Variants in MAP3K2 observed in about 807,000 individuals in gnomAD.
MAP3K2 encodes the protein MAP/ERK kinase kinase 2.
Under a neutral mutation model 80.3 loss-of-function variants are expected in MAP3K2, and 24 were observed. That is an observed-to-expected ratio of 0.30 (90% CI 0.22 to 0.42). The LOEUF (loss-of-function observed/expected upper bound fraction) is 0.42, where lower values mean the gene tolerates loss of function less well. Ranked by LOEUF, MAP3K2 falls within the 10% of genes least tolerant of loss-of-function variation. The pLI, the probability that MAP3K2 is intolerant of heterozygous loss-of-function variation, is 1.00. For missense variants in MAP3K2, 608 were observed against 750.1 expected (o/e 0.81, Z 2.21); for synonymous variants, 244 against 253.7 (o/e 0.96, Z 0.36).
rs897466304 is a variant in MAP3K2, at chr2:127,306,002, G to A, written c.*1577C>T. The A allele has an allele frequency of 4.0e-5, 6 of 151,242 alleles. No individual in the cohort carries two copies. The highest frequency in any genetic ancestry group is 2.1e-4 in the South Asian group (1 of 4,800). The allele number at this position is 151,242 out of a possible 1,614,324, so 9.4% of individuals were successfully genotyped here. A position where few individuals can be genotyped will look rare whatever the true frequency, so the allele number is the denominator to read the frequency against. Reference sequence around the variant, plus strand: ...ATATAGAGATGGCTGAGTTCAAAAGGCTCAGTGTTCAAATTCAGTTTGTTC... The same window carrying A: ...ATATAGAGATGGCTGAGTTCAAAAGACTCAGTGTTCAAATTCAGTTTGTTC... On this transcript the variant is annotated 3_prime_UTR_variant, in exon 17 of 17. Transcript: ENST00000682094. The surrounding 1 kb of genome is among the most constrained non-coding windows in gnomAD (Gnocchi z 4.7).
At position 127,301,328 on chromosome 2, in the gene MAP3K2, T is replaced by G. The variant is rs1238837092; in HGVS notation, c.*6251A>C. 6.6e-6 allele frequency: 1 copy of G among 152,234 alleles called. No individual in the cohort carries two copies. The highest frequency in any genetic ancestry group is 1.5e-5 in the Non-Finnish European group (1 of 68,042). The allele number at this position is 152,234 out of a possible 1,614,324, so 9.4% of individuals were successfully genotyped here. A position where few individuals can be genotyped will look rare whatever the true frequency, so the allele number is the denominator to read the frequency against. ...AATGTCTGTCTATGTGAATCAGTGG[T>G]CAAGTGACATTAACAAGATTGGCAC... is the stretch of plus-strand genomic sequence containing the variant. On this transcript the variant is annotated 3_prime_UTR_variant, in exon 17 of 17. Transcript: ENST00000682094.
intron 1 of MAP3K2, among the ~76,000 whole-genome samples, chr2:127,376,835 A>T (rs1018683748): frequency 3.3e-5 from 5 of 152,074 alleles, no homozygotes; most frequent in Non-Finnish European, 5.9e-5. Context: ...GGAGTCTGAG[A>T]CAGGAGGATC....
chr2:127,307,840 A>G lies in MAP3K2; in HGVS notation c.1635-36T>C, dbSNP rs1239045090. On this transcript the variant is annotated intron_variant, in intron 16 of 16. Transcript: ENST00000682094. This position sits in a 1 kb window ranked among gnomAD's most constrained non-coding sequence, Gnocchi z 5.4. Reference sequence around the variant, plus strand: ...ACAAAAAGAAATACATTACACAAACAACAACATGAAAGAAAGCTAGTTAGC... The same window carrying G: ...ACAAAAAGAAATACATTACACAAACGACAACATGAAAGAAAGCTAGTTAGC... The G allele has an allele frequency of 2.8e-6, 4 of 1,403,998 alleles. No homozygotes were observed. The African/African-American group carries it at 5.7e-5, about 20-fold the overall frequency. The allele number at this position is 1,403,998 out of a possible 1,614,324, so 87.0% of individuals were successfully genotyped here.
At chr2:127,326,293 C>T (rs1686138568) in intron 8 of MAP3K2, among the ~76,000 whole-genome samples, 1 of 149,324 alleles carries the variant, frequency 6.7e-6, no homozygotes, top group African/African-American at 2.4e-5. Flanking sequence ...TCCATGAAAA[C>T]ATTTTAATAC....
chr2:127,370,895 G>A (rs747646928), intron 1 of MAP3K2, among the ~76,000 whole-genome samples: 5 of 152,126 alleles, frequency 3.3e-5, no homozygotes, highest in East Asian at 3.9e-4. Context: ...AAGAGGAAAC[G>A]GAGGTTTTGC....
In MAP3K2 at chr2:127,322,579, T is replaced by A. The variant is rs1558976295; in HGVS notation, c.839-327A>T. On this transcript the variant is annotated intron_variant, in intron 11 of 16. Transcript: ENST00000682094. The surrounding 1 kb of genome is among the most constrained non-coding windows in gnomAD (Gnocchi z 4.2). ...AAAATCTAAAACAAAGATGCAGAAG[T>A]TCACAGGTAGTAATTTTTTTCTTTT... is the stretch of plus-strand genomic sequence containing the variant. Among the ~76,000 whole-genome samples the A allele has an allele frequency of 1.3e-5, 2 of 152,084 alleles. No individual in the cohort carries two copies. Among genetic ancestry groups the A allele is most frequent in the Non-Finnish European group, 2.9e-5 (2 of 68,016 alleles).
intron 1 of MAP3K2, among the ~76,000 whole-genome samples, chr2:127,370,402 C>T (rs1394554063): frequency 2.0e-5 from 3 of 152,168 alleles, no homozygotes; most frequent in Non-Finnish European, 4.4e-5. Context: ...AATGCTGCAA[C>T]AGATCACAAC....
Position 127,304,594 on chromosome 2 carries a change from A to G in MAP3K2, c.*2985T>C, listed in dbSNP as rs1685660409. On this transcript the variant is annotated 3_prime_UTR_variant, in exon 17 of 17. Transcript: ENST00000682094. Reference sequence around the variant, plus strand: ...TCCAGCGTCAGCAAAGAAGCATTACAGTATAGAAGAATCAATTGTGCATTT... The same window carrying G: ...TCCAGCGTCAGCAAAGAAGCATTACGGTATAGAAGAATCAATTGTGCATTT... 1 of 152,614 alleles carries G rather than the reference A, an allele frequency of 6.6e-6. No homozygotes were observed. Among genetic ancestry groups the G allele is most frequent in the Non-Finnish European group, 1.5e-5 (1 of 68,018 alleles). The allele number at this position is 152,614 out of a possible 1,614,324, so 9.5% of individuals were successfully genotyped here.
intron 1 of MAP3K2, among the ~76,000 whole-genome samples, chr2:127,371,973 A>C (rs927300909): frequency 2.6e-5 from 4 of 152,190 alleles, no homozygotes; most frequent in African/African-American, 9.7e-5. Flanking sequence ...TTCCTCTGTC[A>C]GATGGAAAGC....
In MAP3K2 at chr2:127,322,901, T is replaced by A. The variant is rs1686054528; in HGVS notation, c.839-649A>T. On this transcript the variant is annotated intron_variant, in intron 11 of 16. Coordinates refer to ENST00000682094, the MANE Select transcript of MAP3K2 (RefSeq NM_001371910.2). This position sits in a 1 kb window ranked among gnomAD's most constrained non-coding sequence, Gnocchi z 4.2. Reference sequence around the variant, plus strand: ...TGAGCCACCGCACCTGGCCAGTAATTTTTTTTCTTAAAGGGATGATGTAAG... The same window carrying A: ...TGAGCCACCGCACCTGGCCAGTAATATTTTTTCTTAAAGGGATGATGTAAG... Among the ~76,000 whole-genome samples the A allele has an allele frequency of 6.6e-6, 1 of 151,234 alleles. No homozygotes were observed. Among genetic ancestry groups the A allele is most frequent in the Admixed American group, 6.6e-5 (1 of 15,202 alleles).
At position 127,307,862 on chromosome 2, in the gene MAP3K2, T is replaced by C; in HGVS notation, c.1635-58A>G. ...AACAACAACATGAAAGAAAGCTAGT[T>C]AGCTAGAAAATGAGAAACAGGCATT... On this transcript the variant is annotated intron_variant, in intron 16 of 16. Coordinates refer to ENST00000682094, the MANE Select transcript of MAP3K2 (RefSeq NM_001371910.2). The surrounding 1 kb of genome is among the most constrained non-coding windows in gnomAD (Gnocchi z 5.4). 1 of 1,193,500 alleles carries C rather than the reference T, an allele frequency of 8.4e-7. No individual in the cohort carries two copies. Among genetic ancestry groups the C allele is most frequent in the Non-Finnish European group, 1.2e-6 (1 of 841,924 alleles). 73.9% of individuals were successfully genotyped at this position (1,193,500 alleles called of 1,614,324 possible).
At chr2:127,376,466 CT>C (rs141389579) in intron 1 of MAP3K2, among the ~76,000 whole-genome samples, 2,037 of 152,306 alleles carry the variant, frequency 0.013, 46 homozygotes, top group African/African-American at 0.046. Flanking sequence ...TCCTTGGTGT[CT>C]GTGGGTGGCC....
At chr2:127,386,376 T>TA (rs1395155431) in intron 1 of MAP3K2, among the ~76,000 whole-genome samples, 3 of 152,232 alleles carry the variant, frequency 2.0e-5, no homozygotes, top group African/African-American at 7.2e-5. Flanking sequence ...TCAAACTTCC[T>TA]ACGATATTCT....
chr2:127,358,757 A>C (rs530776336), intron 1 of MAP3K2, among the ~76,000 whole-genome samples: 2 of 152,090 alleles, frequency 1.3e-5, no homozygotes, highest in Admixed American at 1.3e-4. Flanking sequence ...ATATGGCAAA[A>C]CCCGTCTCTA....
intron 7 of MAP3K2, among the ~76,000 whole-genome samples, chr2:127,329,048 C>G (rs748193476): frequency 2.0e-5 from 3 of 152,124 alleles, no homozygotes; most frequent in Admixed American, 6.5e-5. Flanking sequence ...GAAGAACAGA[C>G]AGAATGGGGA....
At chr2:127,373,658 T>C (rs889701980) in intron 1 of MAP3K2, among the ~76,000 whole-genome samples, 8 of 152,206 alleles carry the variant, frequency 5.3e-5, no homozygotes, top group South Asian at 2.1e-4. Context: ...TGTTTGTTTT[T>C]CCCACTAAAC....
In MAP3K2 at chr2:127,322,090, T is replaced by C. The variant is rs767922677; in HGVS notation, c.1001A>G (p.Asp334Gly). 6.2e-7 allele frequency: 1 copy of C among 1,613,792 alleles called. No homozygotes were observed. Among genetic ancestry groups the C allele is most frequent in the East Asian group, 2.2e-5 (1 of 44,870 alleles). Residue 334 changes from aspartate (D) to glycine (G), a missense_variant, in exon 12 of 17, where the codon GAC becomes GGC. Transcript: ENST00000682094. This position sits in a 1 kb window ranked among gnomAD's most constrained non-coding sequence, Gnocchi z 4.2. ...GTCCATTACGGTCAAAGTAGGATTG[T>C]CTATGTCACTTCCCCTTCTTCTTAT... ...SRIRRRGSDI[D>G]NPTLTVMDIS...
chr2:127,384,151 T>A (rs1687302231), intron 1 of MAP3K2, among the ~76,000 whole-genome samples: 1 of 151,274 alleles, frequency 6.6e-6, no homozygotes, highest in Non-Finnish European at 1.5e-5. Context: ...CGCCTCGGCC[T>A]CCCAAAGTGC....
chr2:127,376,576 T>C (rs1249274545), intron 1 of MAP3K2, among the ~76,000 whole-genome samples: 1 of 152,128 alleles, frequency 6.6e-6, no homozygotes, highest in Non-Finnish European at 1.5e-5. Context: ...AGCAGTTCCG[T>C]ACAGGGGCTG....
Sources: allele counts gnomAD v4.1 joint callset (sites outside exome capture counted in the v4.1 genomes callset), GRCh38; gene constraint gnomAD v4.1.1; non-coding constraint Gnocchi (gnomAD v3.1); transcripts MANE v1.5; gene names NCBI Gene and HGNC (gene_info 2026-07-23, HGNC 2026-07-21).